Variants in RBFOX1 observed in about 807,000 individuals in gnomAD.
RBFOX1 encodes RNA binding protein fox-1 homolog 1.
RBFOX1 carries 8 observed loss-of-function variants against 57.7 expected under a neutral mutation model. That is an observed-to-expected ratio of 0.14 (90% CI 0.08 to 0.25). The LOEUF is 0.25. Ranked by LOEUF, RBFOX1 falls within the 10% of genes least tolerant of loss-of-function variation. The probability of loss-of-function intolerance (pLI) is 1.00; values close to 1 mark genes in which losing one functional copy is unlikely to be tolerated. For synonymous variants in RBFOX1, 326 were observed against 222.4 expected (o/e 1.47, Z -4.15); for missense variants, 611 against 548.5 (o/e 1.11, Z -1.14).
intron 1 of RBFOX1, among the ~76,000 whole-genome samples, chr16:6,245,515 T>C (rs1360556760): frequency 2.0e-5 from 3 of 152,202 alleles, no homozygotes; most frequent in Non-Finnish European, 4.4e-5. Flanking sequence ...CCTTTGCCTC[T>C]AGGGATACCA....
At chr16:5,511,456 A>T (rs1220000864) in intron 2 of RBFOX1, among the ~76,000 whole-genome samples, 2 of 152,172 alleles carry the variant, frequency 1.3e-5, no homozygotes, top group African/African-American at 4.8e-5. Context: ...AAGACTAGTC[A>T]GATAATAGCT....
chr16:7,619,615 A>G (rs536466452), intron 10 of RBFOX1, among the ~76,000 whole-genome samples: 1 of 152,162 alleles, frequency 6.6e-6, no homozygotes, highest in African/African-American at 2.4e-5. Flanking sequence ...AGAAGTGACA[A>G]TAGAGAAGCC....
chr16:7,698,530 C>A (rs906942365), intron 14 of RBFOX1, among the ~76,000 whole-genome samples: 1 of 151,884 alleles, frequency 6.6e-6, no homozygotes, highest in African/African-American at 2.4e-5. Flanking sequence ...CACTTCTCAA[C>A]CTACACATGC....
chr16:6,960,687 C>T (rs1028813233), intron 3 of RBFOX1, among the ~76,000 whole-genome samples: 3 of 152,060 alleles, frequency 2.0e-5, no homozygotes, highest in Non-Finnish European at 4.4e-5. Context: ...CCAGCATCTC[C>T]TGTCTCTGAC....
chr16:6,837,830 CCACTT>C (rs1003361635), intron 3 of RBFOX1, among the ~76,000 whole-genome samples: 1 of 152,076 alleles, frequency 6.6e-6, no homozygotes, highest in Non-Finnish European at 1.5e-5. Context: ...ACTTGGGACT[CCACTT>C]CAGACCACAT....
At chr16:6,962,215 A>G (rs758069519) in intron 3 of RBFOX1, among the ~76,000 whole-genome samples, 1 of 152,114 alleles carries the variant, frequency 6.6e-6, no homozygotes, top group Non-Finnish European at 1.5e-5. Context: ...GCTTGTTTGC[A>G]CATGGCCTTC....
chr16:6,993,139 C>T (rs557625134), intron 3 of RBFOX1, among the ~76,000 whole-genome samples: 48 of 152,292 alleles, frequency 3.2e-4, no homozygotes, highest in South Asian at 6.2e-4. Flanking sequence ...ATGGACTGAA[C>T]TGTAACACTG....
chr16:7,508,841 T>C (rs1309296326), intron 4 of RBFOX1, among the ~76,000 whole-genome samples: 1 of 152,176 alleles, frequency 6.6e-6, no homozygotes, highest in Non-Finnish European at 1.5e-5. Context: ...ACCCCATCCA[T>C]TCCTTCCAGT....
chr16:6,662,001 G>A (rs1052097078), intron 3 of RBFOX1, among the ~76,000 whole-genome samples: 4 of 152,154 alleles, frequency 2.6e-5, no homozygotes, highest in Admixed American at 6.5e-5. Flanking sequence ...TGAACCTAGA[G>A]GACATTAGGT....
intron 3 of RBFOX1, among the ~76,000 whole-genome samples, chr16:5,752,253 AC>A (rs1165783961): frequency 6.6e-6 from 1 of 152,298 alleles, no homozygotes; most frequent in East Asian, 1.9e-4. Context: ...GGGGAGAAAT[AC>A]ACACTGGGAC....
chr16:6,418,467 C>G (rs1005895626), intron 2 of RBFOX1, among the ~76,000 whole-genome samples: 2 of 149,546 alleles, frequency 1.3e-5, no homozygotes, highest in Non-Finnish European at 2.9e-5. Context: ...CTGAGAGGGA[C>G]TTGGAATTCA....
At chr16:7,568,650 C>T (rs1400358674) in intron 5 of RBFOX1, among the ~76,000 whole-genome samples, 1 of 151,878 alleles carries the variant, frequency 6.6e-6, no homozygotes, top group Non-Finnish European at 1.5e-5. Context: ...CTGTGGGAGG[C>T]CGAGGCAGGT....
At chr16:5,570,206 G>C (rs941261744) in intron 2 of RBFOX1, among the ~76,000 whole-genome samples, 4 of 152,008 alleles carry the variant, frequency 2.6e-5, no homozygotes, top group Non-Finnish European at 2.9e-5. Context: ...CTAACTCAAA[G>C]TACATACAGC....
At chr16:6,696,452 A>AATCT (rs1412667179) in intron 3 of RBFOX1, among the ~76,000 whole-genome samples, 1 of 152,214 alleles carries the variant, frequency 6.6e-6, no homozygotes, top group East Asian at 1.9e-4. Flanking sequence ...AAATAAATAT[A>AATCT]ATCTTTGAAA....
At chr16:5,379,825 C>T (rs2066084567) in intron 1 of RBFOX1, among the ~76,000 whole-genome samples, 1 of 152,190 alleles carries the variant, frequency 6.6e-6, no homozygotes, top group Non-Finnish European at 1.5e-5. Context: ...GGTAACATTT[C>T]AGGGTTTTGA....
chr16:6,988,980 C>G (rs767665787), intron 3 of RBFOX1, among the ~76,000 whole-genome samples: 2 of 152,040 alleles, frequency 1.3e-5, no homozygotes, highest in Non-Finnish European at 2.9e-5. Context: ...CTAGGCTGCT[C>G]TTGAACTCCT....
chr16:6,351,727 TG>T (rs1365257027), intron 2 of RBFOX1, among the ~76,000 whole-genome samples: 1 of 152,198 alleles, frequency 6.6e-6, no homozygotes, highest in African/African-American at 2.4e-5. Flanking sequence ...TGTAATTATA[TG>T]TATGCATACA....
chr16:6,484,811 C>T (rs765174578), intron 2 of RBFOX1, among the ~76,000 whole-genome samples: 1 of 152,170 alleles, frequency 6.6e-6, no homozygotes, highest in Non-Finnish European at 1.5e-5. Context: ...AAAAGAGTCA[C>T]TTTCTGAGTG....
At chr16:6,913,823 C>A (rs776283802) in intron 3 of RBFOX1, among the ~76,000 whole-genome samples, 2 of 152,296 alleles carry the variant, frequency 1.3e-5, no homozygotes, top group East Asian at 3.9e-4. Flanking sequence ...AAACTACTTC[C>A]CAGCCCTGCA....
Sources: gnomAD v4.1 joint callset for allele counts (sites outside exome capture counted in the v4.1 genomes callset) on GRCh38, gnomAD v4.1.1 for gene constraint, MANE v1.5 for transcripts, NCBI Gene and HGNC (gene_info 2026-07-23, HGNC 2026-07-21) for gene names.